ARHGAP15: variants seen among roughly 807,000 people sequenced by gnomAD.
The protein encoded by ARHGAP15 is Rho GTPase activating protein 15.
In ARHGAP15, 51 loss-of-function variants were observed where a neutral mutation model predicts 63.7. That is an observed-to-expected ratio of 0.80 (90% confidence interval 0.64 to 1.01). ARHGAP15 has a LOEUF of 1.01. Ranked by LOEUF, ARHGAP15 falls within the 50% of genes least tolerant of loss-of-function variation. The pLI, the probability that ARHGAP15 is intolerant of heterozygous loss-of-function variation, is 0.00. For synonymous variants in ARHGAP15, 191 were observed against 193.8 expected (o/e 0.99, Z 0.12); for missense variants, 560 against 564.6 (o/e 0.99, Z 0.08).
intron 12 of ARHGAP15, among the ~76,000 whole-genome samples, chr2:143,675,862 GC>G (rs556557447): frequency 5.9e-5 from 9 of 152,338 alleles, no homozygotes; most frequent in African/African-American, 2.2e-4. Context: ...AAGAGAGCCA[GC>G]CTGTCCTTTG....
chr2:143,403,574 A>G lies in ARHGAP15; in HGVS notation c.475-32027A>G, dbSNP rs1040975997. On this transcript the variant is annotated intron_variant, in intron 6 of 13. Coordinates refer to ENST00000295095, the MANE Select transcript of ARHGAP15 (RefSeq NM_018460.4). The stretch of plus-strand genomic sequence containing the variant: ...TACAACCCAAAACAAAAACACAACC[A>G]ATTTCTTAAACTGTTTTTAAAAATT... 2.0e-5 allele frequency among the ~76,000 whole-genome samples: 3 copies of G among 152,018 alleles called. No homozygotes were observed. In the East Asian group the frequency reaches 5.8e-4, roughly 29 times the overall value.
At chr2:143,548,561 T>C (rs1412278659) in intron 10 of ARHGAP15, among the ~76,000 whole-genome samples, 1 of 151,926 alleles carries the variant, frequency 6.6e-6, no homozygotes, top group Non-Finnish European at 1.5e-5. Context: ...AGTCTAACAT[T>C]AAAGAAAAAT....
chr2:143,474,496 G>A (rs993768552), intron 8 of ARHGAP15, among the ~76,000 whole-genome samples: 2 of 152,214 alleles, frequency 1.3e-5, no homozygotes, highest in Non-Finnish European at 2.9e-5. Flanking sequence ...AATTGGGCCA[G>A]TAGTGGGCAC....
intron 6 of ARHGAP15, among the ~76,000 whole-genome samples, chr2:143,383,291 A>G (rs959986005): frequency 1.3e-5 from 2 of 152,184 alleles, no homozygotes; most frequent in Non-Finnish European, 2.9e-5. Flanking sequence ...CTATTGGAAA[A>G]TGGAGGAAAA....
rs13431278 is a variant in ARHGAP15, at chr2:143,617,022, A to G, written c.1004-7111A>G. 3.6e-3 allele frequency among the ~76,000 whole-genome samples: 554 copies of G among 152,308 alleles called. 7 individuals are homozygous for G. Among genetic ancestry groups the G allele is most frequent in the African/African-American group, 0.013 (531 of 41,576 alleles). ...ACAAAGAATGAATATGAAAACGGCA[A>G]TCATGATTTTATTCTTTCTCTGGAG... On this transcript the variant is annotated intron_variant, in intron 11 of 13. Coordinates refer to ENST00000295095, the MANE Select transcript of ARHGAP15 (RefSeq NM_018460.4).
At chr2:143,439,448 A>AAAAAAAAAAAAAAAT (rs869148669) in intron 8 of ARHGAP15, among the ~76,000 whole-genome samples, 1 of 145,204 alleles carries the variant, frequency 6.9e-6, no homozygotes, top group Non-Finnish European at 1.5e-5. Context: ...AAAAAAAAAA[A>AAAAAAAAAAAAAAAT]GGGAAGAGAT....
chr2:143,638,744 T>G (rs575103175), intron 12 of ARHGAP15, among the ~76,000 whole-genome samples: 72 of 148,420 alleles, frequency 4.9e-4, no homozygotes, highest in African/African-American at 1.8e-3. Context: ...TGAAGTTCTC[T>G]AGACATTTGG....
At chr2:143,720,584 G>A (rs577962837) in intron 13 of ARHGAP15, among the ~76,000 whole-genome samples, 1 of 152,136 alleles carries the variant, frequency 6.6e-6, no homozygotes, top group South Asian at 2.1e-4. Flanking sequence ...TTAAGTACTA[G>A]GGCGAAGGGG....
At chr2:143,378,805 ACAAAC>A (rs1686924554) in intron 6 of ARHGAP15, among the ~76,000 whole-genome samples, 2 of 152,052 alleles carry the variant, frequency 1.3e-5, no homozygotes, top group African/African-American at 4.8e-5. Context: ...AATTATATCC[ACAAAC>A]TGGATAATCA....
chr2:143,278,330 C>T (rs1385191204), intron 6 of ARHGAP15, among the ~76,000 whole-genome samples: 1 of 152,152 alleles, frequency 6.6e-6, no homozygotes, highest in Non-Finnish European at 1.5e-5. Flanking sequence ...CTGCAGCAGG[C>T]ACTCTTGTGT....
intron 9 of ARHGAP15, among the ~76,000 whole-genome samples, chr2:143,500,970 A>G (rs746927722): frequency 6.6e-6 from 1 of 152,214 alleles, no homozygotes; most frequent in Non-Finnish European, 1.5e-5. Context: ...TGTGAGGGTC[A>G]TTAACTTGAA....
At chr2:143,616,690 C>G (rs572558244) in intron 11 of ARHGAP15, among the ~76,000 whole-genome samples, 1 of 152,254 alleles carries the variant, frequency 6.6e-6, no homozygotes, top group Admixed American at 6.5e-5. Context: ...GTAATAGAAC[C>G]ATCTATTCTA....
intron 6 of ARHGAP15, among the ~76,000 whole-genome samples, chr2:143,433,785 G>T (rs929058389): frequency 2.6e-5 from 4 of 152,036 alleles, no homozygotes; most frequent in African/African-American, 9.7e-5. Context: ...TACTGGCAGA[G>T]AAACATTACA....
At chr2:143,710,050 G>A (rs1410294611) in intron 13 of ARHGAP15, among the ~76,000 whole-genome samples, 1 of 152,036 alleles carries the variant, frequency 6.6e-6, no homozygotes. Flanking sequence ...TGTACACTTT[G>A]GTCTTTCACC....
At chr2:143,446,727 C>A (rs1031764703) in intron 8 of ARHGAP15, among the ~76,000 whole-genome samples, 5 of 151,602 alleles carry the variant, frequency 3.3e-5, no homozygotes, top group Admixed American at 6.6e-5. Flanking sequence ...CGCTGCACCC[C>A]TTAACTCGTC....
chr2:143,444,797 G>A (rs1203975220), intron 8 of ARHGAP15, among the ~76,000 whole-genome samples: 1 of 152,138 alleles, frequency 6.6e-6, no homozygotes, highest in Non-Finnish European at 1.5e-5. Context: ...TCACCCAAAA[G>A]TATTAGATGA....
rs1318021491 is a variant in ARHGAP15, at chr2:143,511,488, AG to A, written c.827-7776del. ...TGCATATTTTTATGGTTGTTAAGTG[AG>A]GAAGAAAGGATTACCAGTAAGCACA... On this transcript the variant is annotated intron_variant, in intron 9 of 13. Transcript: ENST00000295095. 3.9e-5 allele frequency among the ~76,000 whole-genome samples: 6 copies of A among 152,302 alleles called. No individual in the cohort carries two copies. In the South Asian group the frequency reaches 1.0e-3, roughly 26 times the overall value.
chr2:143,692,566 TGAA>T lies in ARHGAP15; in HGVS notation c.1139-10851_1139-10849del, dbSNP rs79340405. 3.7e-3 allele frequency among the ~76,000 whole-genome samples: 569 copies of T among 152,280 alleles called. 5 individuals carry two copies. The East Asian group carries it at 0.039, about 10-fold the overall frequency. ...AGAGTCATTCTGAAATGAAAAAGAA[TGAA>T]GGAGTTGTTTGTTGCTTGTTATTTT... On this transcript the variant is annotated intron_variant, in intron 12 of 13. Coordinates refer to ENST00000295095, the MANE Select transcript of ARHGAP15 (RefSeq NM_018460.4).
chr2:143,192,581 C>T (rs1691724110), intron 2 of ARHGAP15, among the ~76,000 whole-genome samples: 1 of 152,204 alleles, frequency 6.6e-6, no homozygotes, highest in South Asian at 2.1e-4. Context: ...TGCTTTGGAT[C>T]ATTAAAGTCA....
Sources: allele counts gnomAD v4.1 joint callset (sites outside exome capture counted in the v4.1 genomes callset), GRCh38; gene constraint gnomAD v4.1.1; transcripts MANE v1.5; gene names NCBI Gene and HGNC (gene_info 2026-07-23, HGNC 2026-07-21).